DIP2C: variants seen among roughly 807,000 people sequenced by gnomAD.
DIP2C encodes disco-interacting protein 2 homolog C.
DIP2C carries 33 observed loss-of-function variants against 192.4 expected under a neutral mutation model. The observed-to-expected ratio is 0.17, with a 90% CI of 0.13 to 0.23. The LOEUF (loss-of-function observed/expected upper bound fraction) is 0.23, where lower values mean the gene tolerates loss of function less well. DIP2C is among the 10% of genes least tolerant of loss of function. The pLI is 1.00. For synonymous variants in DIP2C, 979 were observed against 864.1 expected (o/e 1.13, Z -2.33); for missense variants, 1,537 against 2,110.1 (o/e 0.73, Z 5.32).
Position 619,485 on chromosome 10 carries a change from G to A in DIP2C, c.85+70009C>T, listed in dbSNP as rs141052028. Among the ~76,000 whole-genome samples the A allele has an allele frequency of 3.0e-4, 43 of 144,432 alleles. 1 individual carries two copies. The highest frequency in any genetic ancestry group is 1.0e-3 in the African/African-American group (39 of 38,054). 94.8% of individuals were successfully genotyped at this position (144,432 alleles called of 152,430 possible). On this transcript the variant is annotated intron_variant, in intron 1 of 36. Coordinates refer to ENST00000280886, the MANE Select transcript of DIP2C (RefSeq NM_014974.3). ...CCTGGCGGCTCCTCAACAGGAAGAC[G>A]CAGAATATCGGGAGCACAGGCTTTA... is the stretch of plus-strand genomic sequence containing the variant.
At chr10:512,507 C>T (rs1846080583) in intron 1 of DIP2C, among the ~76,000 whole-genome samples, 2 of 151,702 alleles carry the variant, frequency 1.3e-5, no homozygotes, top group East Asian at 3.8e-4. Flanking sequence ...AGGTGATCAC[C>T]CAGGAGGTGA....
chr10:449,184 G>C (rs1166498163), intron 3 of DIP2C, among the ~76,000 whole-genome samples: 1 of 151,834 alleles, frequency 6.6e-6, no homozygotes, highest in Non-Finnish European at 1.5e-5. Flanking sequence ...CAATACTCAG[G>C]ATCACATACA....
Position 651,615 on chromosome 10 carries a change from A to C in DIP2C, c.85+37879T>G, listed in dbSNP as rs1056929135. ...AAGGTGCATCTTTTATAAAACAAGAACGCAAGGCTCTGAGGCCAACTTTGA... is the reference window on the plus strand; with the variant it reads ...AAGGTGCATCTTTTATAAAACAAGACCGCAAGGCTCTGAGGCCAACTTTGA... On this transcript the variant is annotated intron_variant, in intron 1 of 36. Coordinates refer to ENST00000280886, the MANE Select transcript of DIP2C (RefSeq NM_014974.3). The surrounding 1 kb of genome is among the most constrained non-coding windows in gnomAD (Gnocchi z 4.1). 2 of 360,088 alleles carry C rather than the reference A, an allele frequency of 5.6e-6. No homozygotes were observed. The highest frequency in any genetic ancestry group is 1.1e-5 in the Non-Finnish European group (2 of 184,136). 22.3% of individuals were successfully genotyped at this position (360,088 alleles called of 1,614,324 possible). A position where few individuals can be genotyped will look rare whatever the true frequency, so the allele number is the denominator to read the frequency against.
intron 22 of DIP2C, among the ~76,000 whole-genome samples, chr10:360,199 G>A (rs183695421): frequency 1.3e-5 from 2 of 152,258 alleles, no homozygotes; most frequent in Admixed American, 6.5e-5. Context: ...GCCTCCCCAT[G>A]CAGACTAGGG....
rs568947117 is a variant in DIP2C, at chr10:321,489, T to A, written c.3924+5517A>T. The stretch of plus-strand genomic sequence containing the variant: ...GAGATAAAACTCTTCCCTCTCTCCA[T>A]CAGGCGTCCCCCACCAGAGTGCACA... On this transcript the variant is annotated intron_variant, in intron 31 of 36. Coordinates refer to ENST00000280886, the MANE Select transcript of DIP2C (RefSeq NM_014974.3). Among the ~76,000 whole-genome samples the A allele has an allele frequency of 9.2e-5, 14 of 151,872 alleles. No homozygotes were observed. In the South Asian group the frequency reaches 2.5e-3, roughly 27 times the overall value.
chr10:578,486 A>C (rs142701199), intron 1 of DIP2C, among the ~76,000 whole-genome samples: 2 of 152,342 alleles, frequency 1.3e-5, no homozygotes, highest in East Asian at 3.9e-4. Context: ...GGGATGAAAC[A>C]CACCTCACAG....
chr10:606,631 A>AT (rs1285280204), intron 1 of DIP2C, among the ~76,000 whole-genome samples: 7 of 151,800 alleles, frequency 4.6e-5, no homozygotes, highest in Non-Finnish European at 1.0e-4. Flanking sequence ...TTGGGAGGGG[A>AT]TCTCATGGCC....
At chr10:541,661 C>T (rs1174273479) in intron 1 of DIP2C, among the ~76,000 whole-genome samples, 6 of 151,254 alleles carry the variant, frequency 4.0e-5, no homozygotes, top group Non-Finnish European at 8.8e-5. Flanking sequence ...CCGACCACAC[C>T]CGTCTCTCCT....
chr10:597,775 G>A (rs1221662728), intron 1 of DIP2C, among the ~76,000 whole-genome samples: 1 of 152,172 alleles, frequency 6.6e-6, no homozygotes, highest in African/African-American at 2.4e-5. Context: ...AGGTTAAAGA[G>A]AATAACGTCA....
chr10:498,382 A>G (rs1845000270), intron 1 of DIP2C, among the ~76,000 whole-genome samples: 1 of 152,088 alleles, frequency 6.6e-6, no homozygotes, highest in Non-Finnish European at 1.5e-5. Flanking sequence ...AGCCCCTTGA[A>G]TCTCCACACC....
At chr10:531,453 A>G (rs1009693113) in intron 1 of DIP2C, among the ~76,000 whole-genome samples, 1 of 151,974 alleles carries the variant, frequency 6.6e-6, no homozygotes, top group Admixed American at 6.6e-5. Flanking sequence ...TCCTCTGTAC[A>G]TCTCATGGTC....
chr10:382,853 C>CA (rs1244874367), intron 16 of DIP2C, 92 bp from the exon 17 acceptor site: 2 of 843,814 alleles, frequency 2.4e-6, no homozygotes, highest in East Asian at 5.4e-5. Flanking sequence ...AGGTGGGATT[C>CA]AGGCACAAGT....
chr10:306,211 G>C (rs1286829069), intron 32 of DIP2C, among the ~76,000 whole-genome samples: 1 of 151,944 alleles, frequency 6.6e-6, no homozygotes, highest in Non-Finnish European at 1.5e-5. Flanking sequence ...GGGAGAGTGT[G>C]TCCCCTCACT....
rs568271575 is a variant in DIP2C at position 442,304 on chromosome 10, C to T, written c.269-1308G>A. Among the ~76,000 whole-genome samples the T allele has an allele frequency of 9.2e-5, 14 of 152,252 alleles. No homozygotes were observed. The South Asian group carries it at 1.5e-3, about 16-fold the overall frequency. On this transcript the variant is annotated intron_variant, in intron 3 of 36. Coordinates refer to ENST00000280886, the MANE Select transcript of DIP2C (RefSeq NM_014974.3). Reference sequence around the variant, plus strand: ...GACAGGACCCAGACCCGCCGCATCACGCCCACAATCAGCTCATCACACTGC... The same window carrying T: ...GACAGGACCCAGACCCGCCGCATCATGCCCACAATCAGCTCATCACACTGC...
At chr10:315,882 G>A (rs537893308) in intron 31 of DIP2C, among the ~76,000 whole-genome samples, 98 of 152,104 alleles carry the variant, frequency 6.4e-4, no homozygotes, top group African/African-American at 2.3e-3. Flanking sequence ...TTATGCTTAG[G>A]TCATTTCTAT....
At chr10:377,968 G>A (rs913875498) in intron 17 of DIP2C, among the ~76,000 whole-genome samples, 11 of 152,024 alleles carry the variant, frequency 7.2e-5, no homozygotes, top group South Asian at 2.1e-4. Flanking sequence ...ATTTCACAAC[G>A]TAGCTTTAAG....
intron 1 of DIP2C, among the ~76,000 whole-genome samples, chr10:530,969 C>A (rs1403392615): frequency 6.6e-6 from 1 of 152,174 alleles, no homozygotes; most frequent in Non-Finnish European, 1.5e-5. Context: ...AGACACCCCA[C>A]CCTGGGACCC....
intron 1 of DIP2C, among the ~76,000 whole-genome samples, chr10:555,910 C>T (rs1484442382): frequency 6.6e-6 from 1 of 152,132 alleles, no homozygotes; most frequent in Non-Finnish European, 1.5e-5. Flanking sequence ...GCATGACCTC[C>T]ACTGTTGCCC....
intron 1 of DIP2C, among the ~76,000 whole-genome samples, chr10:486,917 G>A (rs1844059155): frequency 6.6e-6 from 1 of 152,208 alleles, no homozygotes; most frequent in African/African-American, 2.4e-5. Context: ...GCCGACACCA[G>A]CACCTATTGG....
Sources: gnomAD v4.1 joint callset for allele counts (sites outside exome capture counted in the v4.1 genomes callset) on GRCh38, gnomAD v4.1.1 for gene constraint, Gnocchi (gnomAD v3.1) non-coding constraint, MANE v1.5 for transcripts, NCBI Gene and HGNC (gene_info 2026-07-23, HGNC 2026-07-21) for gene names.